KLF7: variants seen among roughly 807,000 people sequenced by gnomAD.
KLF7 encodes Krueppel-like factor 7.
In KLF7, 2 loss-of-function variants were observed where a neutral mutation model predicts 27.3. The ratio of observed to expected loss-of-function variants is 0.07; its 90% CI spans 0.03 to 0.23. KLF7 has a LOEUF of 0.23. Among genes scored for constraint, KLF7 ranks in the 10% least tolerant of loss-of-function variants. The pLI, the probability that KLF7 is intolerant of heterozygous loss-of-function variation, is 1.00. For missense variants in KLF7, 221 were observed against 394.1 expected (o/e 0.56, Z 3.72); for synonymous variants, 165 against 162.4 (o/e 1.02, Z -0.12).
In KLF7 at chr2:207,128,578, T is replaced by C. The variant is rs374464287; in HGVS notation, c.103-4174A>G. Among the ~76,000 whole-genome samples the C allele has an allele frequency of 5.8e-4, 89 of 152,306 alleles. 1 individual carries two copies. Among genetic ancestry groups the C allele is most frequent in the African/African-American group, 2.1e-3 (87 of 41,560 alleles). On this transcript the variant is annotated intron_variant, in intron 1 of 3. Coordinates refer to ENST00000309446, the MANE Select transcript of KLF7 (RefSeq NM_003709.4). Reference sequence around the variant, plus strand: ...AATTATGAAGATAAAATATAATAACTCTACAGTGGAGAAACCTGGAAGAAA... The same window carrying C: ...AATTATGAAGATAAAATATAATAACCCTACAGTGGAGAAACCTGGAAGAAA...
intron 1 of KLF7, among the ~76,000 whole-genome samples, chr2:207,144,687 T>C (rs890224226): frequency 6.6e-6 from 1 of 152,202 alleles, no homozygotes; most frequent in African/African-American, 2.4e-5. Context: ...CTTCCATATC[T>C]GTCATTTCAG....
At chr2:207,091,585 T>C (rs150608166) in intron 2 of KLF7, among the ~76,000 whole-genome samples, 12 of 152,238 alleles carry the variant, frequency 7.9e-5, no homozygotes, top group African/African-American at 2.9e-4. Flanking sequence ...TAATAAAAAA[T>C]TTAAAATAAT....
intron 3 of KLF7, among the ~76,000 whole-genome samples, chr2:207,085,096 A>G (rs927839402): frequency 9.5e-5 from 13 of 136,534 alleles, no homozygotes; most frequent in Admixed American, 5.7e-4. Context: ...CCGGAGGCAG[A>G]GGTTGCAGTG....
At chr2:207,125,952 T>A (rs767812030) in intron 1 of KLF7, among the ~76,000 whole-genome samples, 1 of 152,226 alleles carries the variant, frequency 6.6e-6, no homozygotes, top group Non-Finnish European at 1.5e-5. Context: ...TGTTGATAAG[T>A]TCTTAGGGGC....
chr2:207,136,068 T>C (rs1437348926), intron 1 of KLF7, among the ~76,000 whole-genome samples: 1 of 152,200 alleles, frequency 6.6e-6, no homozygotes, highest in Non-Finnish European at 1.5e-5. Context: ...CATTTTTTAT[T>C]GGTGAAAAGA....
At chr2:207,095,031 C>CTTTTT (rs36091471) in intron 2 of KLF7, among the ~76,000 whole-genome samples, 76 of 82,432 alleles carry the variant, frequency 9.2e-4, no homozygotes, top group East Asian at 1.2e-3. Context: ...TGTTTTTATT[C>CTTTTT]TTTTTTTTTT....
chr2:207,132,963 C>T (rs1188318313), intron 1 of KLF7, among the ~76,000 whole-genome samples: 1 of 152,256 alleles, frequency 6.6e-6, no homozygotes, highest in African/African-American at 2.4e-5. Context: ...GCAGGACATA[C>T]TGACTGGGAG....
chr2:207,119,892 G>T (rs1032015611), intron 2 of KLF7, among the ~76,000 whole-genome samples: 1 of 152,084 alleles, frequency 6.6e-6, no homozygotes, highest in African/African-American at 2.4e-5. Flanking sequence ...TAGTAGAGAC[G>T]GGTGTTGGTC....
intron 2 of KLF7, among the ~76,000 whole-genome samples, chr2:207,116,123 C>T (rs538627088): frequency 6.6e-6 from 1 of 152,346 alleles, no homozygotes. Context: ...GTTAGGCGTT[C>T]TCCATTCGGT....
At chr2:207,103,711 G>T (rs551797710) in intron 2 of KLF7, among the ~76,000 whole-genome samples, 7 of 152,220 alleles carry the variant, frequency 4.6e-5, no homozygotes, top group African/African-American at 1.4e-4. Context: ...GTGCCCTCAG[G>T]AAAGTTACCT....
intron 1 of KLF7, among the ~76,000 whole-genome samples, chr2:207,159,549 T>C (rs539811796): frequency 6.6e-6 from 1 of 152,212 alleles, no homozygotes; most frequent in Admixed American, 6.5e-5. Flanking sequence ...CAATTCAATT[T>C]TGCATTGCCC....
upstream of KLF7, chr2:207,166,786 C>A: frequency 1.0e-6 from 1 of 995,062 alleles, no homozygotes; most frequent in Non-Finnish European, 1.2e-6. Flanking sequence ...GCATCCAGGG[C>A]CCCTTCCCGA....
chr2:207,083,608 G>A (rs2076324236), intron 3 of KLF7, among the ~76,000 whole-genome samples: 1 of 152,156 alleles, frequency 6.6e-6, no homozygotes, highest in African/African-American at 2.4e-5. Context: ...AGGAGCTTCT[G>A]GTAGGCAGAA....
intron 2 of KLF7, chr2:207,121,884 A>G (rs2077350304): frequency 6.6e-6 from 1 of 152,258 alleles, no homozygotes; most frequent in South Asian, 2.1e-4. Context: ...GCTTTCCCAG[A>G]GCTGTCCAGC....
intron 3 of KLF7, among the ~76,000 whole-genome samples, chr2:207,082,162 CA>C (rs1370039736): frequency 2.0e-5 from 3 of 152,152 alleles, no homozygotes; most frequent in African/African-American, 7.2e-5. Flanking sequence ...TCTTGGGTAC[CA>C]ACCCTTCTGC....
At chr2:207,154,717 T>C (rs1409502307) in intron 1 of KLF7, among the ~76,000 whole-genome samples, 6 of 152,152 alleles carry the variant, frequency 3.9e-5, no homozygotes, top group Non-Finnish European at 8.8e-5. Flanking sequence ...GGATGTTATG[T>C]GCCAGACACT....
chr2:207,171,582 C>G (rs567747807), upstream of KLF7, among the ~76,000 whole-genome samples: 5 of 152,304 alleles, frequency 3.3e-5, no homozygotes, highest in African/African-American at 1.2e-4. Flanking sequence ...GCCCCTCCAG[C>G]CTTCAGCAAC....
At chr2:207,125,437 T>C (rs2077453466) in intron 1 of KLF7, among the ~76,000 whole-genome samples, 1 of 152,232 alleles carries the variant, frequency 6.6e-6, no homozygotes, top group Non-Finnish European at 1.5e-5. Context: ...TCTTCTGGAT[T>C]CAACAAAGAC....
At chr2:207,088,606 T>C in intron 2 of KLF7, 25 bp from the exon 3 acceptor site, 1 of 1,609,708 alleles carries the variant, frequency 6.2e-7, no homozygotes, top group African/African-American at 1.3e-5. Context: ...GGAAGGACCG[T>C]GGTCAGCAGC....
Sources: gnomAD v4.1 joint callset for allele counts (sites outside exome capture counted in the v4.1 genomes callset) on GRCh38, gnomAD v4.1.1 for gene constraint, MANE v1.5 for transcripts, NCBI Gene and HGNC (gene_info 2026-07-23, HGNC 2026-07-21) for gene names.